PPP3CA: variants seen among roughly 807,000 people sequenced by gnomAD.
The protein encoded by PPP3CA is protein phosphatase 3 catalytic subunit alpha.
In PPP3CA, 14 loss-of-function variants were observed where a neutral mutation model predicts 66.5. That is an observed-to-expected ratio of 0.21 (90% CI 0.14 to 0.33). The LOEUF is 0.33. PPP3CA is among the 10% of genes least tolerant of loss of function. The pLI, the probability that PPP3CA is intolerant of heterozygous loss-of-function variation, is 1.00. For synonymous variants in PPP3CA, 232 were observed against 226.2 expected, an observed-to-expected ratio of 1.03 and a Z score of -0.23; for missense variants, 317 against 639.5, an observed-to-expected ratio of 0.50 and a Z score of 5.44.
At chr4:101,151,824 T>C (rs531419777) in intron 2 of PPP3CA, among the ~76,000 whole-genome samples, 36 of 151,526 alleles carry the variant, frequency 2.4e-4, no homozygotes, top group Non-Finnish European at 3.8e-4. Flanking sequence ...ACCCTGCTAA[T>C]TTTTTGTATT....
intron 1 of PPP3CA, among the ~76,000 whole-genome samples, chr4:101,306,570 C>T (rs958179438): frequency 6.6e-6 from 1 of 152,066 alleles, no homozygotes; most frequent in Non-Finnish European, 1.5e-5. Context: ...GTACACCCAC[C>T]ACCTTCACTT....
intron 1 of PPP3CA, among the ~76,000 whole-genome samples, chr4:101,219,244 CTTAATAG>C (rs894071543): frequency 1.2e-4 from 18 of 152,098 alleles, no homozygotes; most frequent in African/African-American, 4.3e-4. Context: ...TATTCTTCTA[CTTAATAG>C]TTAACAGATT....
intron 1 of PPP3CA, among the ~76,000 whole-genome samples, chr4:101,209,068 A>C (rs2659534): frequency 0.24 from 36,783 of 152,026 alleles, 6,839 homozygotes; most frequent in African/African-American, 0.5. Context: ...TATTCTTCAA[A>C]ACAAACTGTT....
intron 2 of PPP3CA, among the ~76,000 whole-genome samples, chr4:101,126,664 C>T (rs755551941): frequency 2.0e-5 from 3 of 152,108 alleles, no homozygotes; most frequent in African/African-American, 4.8e-5. Context: ...AAAAACCTGA[C>T]GAACTCATAT....
chr4:101,122,708 T>C (rs1415477702), intron 2 of PPP3CA, among the ~76,000 whole-genome samples: 5 of 152,170 alleles, frequency 3.3e-5, no homozygotes, highest in African/African-American at 1.2e-4. Flanking sequence ...AGAGAGTATA[T>C]GTGAAACATC....
At chr4:101,192,749 G>A (rs1450254524) in intron 2 of PPP3CA, among the ~76,000 whole-genome samples, 5 of 152,104 alleles carry the variant, frequency 3.3e-5, no homozygotes, top group Non-Finnish European at 2.9e-5. Context: ...CTTTTGCTGA[G>A]TTCTCACACC....
chr4:101,165,961 C>T lies in PPP3CA; in HGVS notation c.259+29955G>A, dbSNP rs186962800. Among the ~76,000 whole-genome samples the T allele has an allele frequency of 4.6e-5, 7 of 152,172 alleles. No homozygotes were observed. The East Asian group carries it at 1.2e-3, about 25-fold the overall frequency. On this transcript the variant is annotated intron_variant, in intron 2 of 13. Coordinates refer to ENST00000394854, the MANE Select transcript of PPP3CA (RefSeq NM_000944.5). ...TCAAAGGTAGAAGATGGTAGACTTG[C>T]TAAATCAGTTAAGTAAAAATTTAAG...
chr4:101,065,558 T>C (rs556062905), intron 8 of PPP3CA, among the ~76,000 whole-genome samples: 7 of 152,156 alleles, frequency 4.6e-5, no homozygotes, highest in African/African-American at 1.7e-4. Flanking sequence ...TACAAAGGAA[T>C]TGTGGTTGAG....
rs185114990 is a variant in PPP3CA at position 101,290,816 on chromosome 4, T to C, written c.58+55923A>G. 6.8e-4 allele frequency among the ~76,000 whole-genome samples: 104 copies of C among 152,290 alleles called. 1 individual carries two copies. Among genetic ancestry groups the C allele is most frequent in the African/African-American group, 2.3e-3 (95 of 41,566 alleles). The stretch of plus-strand genomic sequence containing the variant: ...AACAACAGGGCTTGGAGGCAATCAA[T>C]GAATACCACCTCATGGCATGGGGCC... On this transcript the variant is annotated intron_variant, in intron 1 of 13. Coordinates refer to ENST00000394854, the MANE Select transcript of PPP3CA (RefSeq NM_000944.5).
chr4:101,272,651 C>CA (rs1395445838), intron 1 of PPP3CA, among the ~76,000 whole-genome samples: 1 of 152,280 alleles, frequency 6.6e-6, no homozygotes, highest in Admixed American at 6.5e-5. Context: ...TCCTCACATG[C>CA]AAAATGTGGA....
At chr4:101,148,682 C>G (rs1028445799) in intron 2 of PPP3CA, among the ~76,000 whole-genome samples, 4 of 152,062 alleles carry the variant, frequency 2.6e-5, no homozygotes, top group Non-Finnish European at 2.9e-5. Flanking sequence ...CTTTAAGATC[C>G]CAAGAGACCT....
intron 3 of PPP3CA, among the ~76,000 whole-genome samples, chr4:101,107,833 G>T (rs1397541300): frequency 6.6e-6 from 1 of 152,136 alleles, no homozygotes; most frequent in Non-Finnish European, 1.5e-5. Flanking sequence ...TATGATGTTG[G>T]TGTGAGACAA....
intron 2 of PPP3CA, among the ~76,000 whole-genome samples, chr4:101,119,588 G>T (rs1218933034): frequency 2.0e-5 from 3 of 151,832 alleles, no homozygotes; most frequent in Non-Finnish European, 4.4e-5. Context: ...TTTCTACATA[G>T]GGAAAAAAAG....
intron 9 of PPP3CA, among the ~76,000 whole-genome samples, chr4:101,062,470 C>A (rs1728506876): frequency 6.6e-6 from 1 of 152,022 alleles, no homozygotes; most frequent in African/African-American, 2.4e-5. Flanking sequence ...ATTTATTTTT[C>A]TTACAATGCC....
intron 1 of PPP3CA, among the ~76,000 whole-genome samples, chr4:101,255,838 T>C (rs1368725463): frequency 6.6e-6 from 1 of 151,956 alleles, no homozygotes; most frequent in Non-Finnish European, 1.5e-5. Flanking sequence ...TTTGTTACCA[T>C]AATCACTGTT....
chr4:101,244,995 T>C (rs1180840690), intron 1 of PPP3CA, among the ~76,000 whole-genome samples: 1 of 152,196 alleles, frequency 6.6e-6, no homozygotes, highest in East Asian at 1.9e-4. Context: ...CCTATGAAAT[T>C]GGGCTATCAT....
intron 2 of PPP3CA, among the ~76,000 whole-genome samples, chr4:101,119,931 T>G (rs1340673240): frequency 6.6e-6 from 1 of 152,120 alleles, no homozygotes; most frequent in Non-Finnish European, 1.5e-5. Flanking sequence ...TAAAAATATA[T>G]GAGCTTACTT....
chr4:101,028,919 TTTG>T (rs1726792855), intron 13 of PPP3CA, among the ~76,000 whole-genome samples: 1 of 152,136 alleles, frequency 6.6e-6, no homozygotes, highest in Non-Finnish European at 1.5e-5. Context: ...ATATAATCCT[TTTG>T]TTTTCTGTGA....
intron 1 of PPP3CA, among the ~76,000 whole-genome samples, chr4:101,244,555 A>C (rs1726414179): frequency 6.6e-6 from 1 of 152,198 alleles, no homozygotes; most frequent in South Asian, 2.1e-4. Context: ...AGGACTGACT[A>C]ACAGCACAAT....
Sources: allele counts gnomAD v4.1 joint callset (sites outside exome capture counted in the v4.1 genomes callset), GRCh38; gene constraint gnomAD v4.1.1; transcripts MANE v1.5; gene names NCBI Gene and HGNC (gene_info 2026-07-23, HGNC 2026-07-21).